The following DOK2 variants were observed in gnomAD, a reference collection of about 807,000 sequenced individuals.
DOK2 encodes docking protein 2, 56kD.
A neutral mutation model predicts 26.0 loss-of-function variants in DOK2; 28 were observed. The ratio of observed to expected loss-of-function variants is 1.08; its 90% confidence interval spans 0.80 to 1.48. The LOEUF (loss-of-function observed/expected upper bound fraction) is 1.48, where lower values mean the gene tolerates loss of function less well. DOK2 is among the 40% of genes most tolerant of loss of function. The pLI is 0.00. For missense variants in DOK2, 682 were observed against 558.2 expected (o/e 1.22, Z -2.23); for synonymous variants, 282 against 236.9 (o/e 1.19, Z -1.75).
rs144359058 is a variant in DOK2 at position 21,909,786 on chromosome 8, G to A, written c.764C>T (p.Pro255Leu). ...QKNAAPATPQ[P>L]QPATIPASLP... ...CGACGCGGGGATTGTGGCTGGCTGC[G>A]GTTGGGGTGTAGCGGGTGCAGCATT... The change falls in exon 5 of 5, where the codon CCG (proline) becomes CTG (leucine). Residue 255 changes from proline to leucine, a missense_variant. Transcript: ENST00000276420. The A allele has an allele frequency of 4.2e-5, 67 of 1,613,872 alleles. 1 individual carries two copies. Among genetic ancestry groups the A allele is most frequent in the South Asian group, 1.4e-4 (13 of 91,094 alleles).
In DOK2 at chr8:21,911,209, T is replaced by G. The variant is rs1809832124; in HGVS notation, c.434-352A>C. The G allele has an allele frequency of 2.0e-5, 5 of 254,430 alleles. No homozygotes were observed. In the East Asian group the frequency reaches 4.7e-4, roughly 24 times the overall value. 15.8% of individuals were successfully genotyped at this position (254,430 alleles called of 1,614,324 possible). ...CCACCCTAGTCCCTACGGTCACAGCTGCAGGTGAAGCCTTGGCCCTGCCCT... is the reference window on the plus strand; with the variant it reads ...CCACCCTAGTCCCTACGGTCACAGCGGCAGGTGAAGCCTTGGCCCTGCCCT... On this transcript the variant is annotated intron_variant, in intron 3 of 4. Transcript: ENST00000276420.
intron 2 of DOK2, 62 bp downstream of exon 2, chr8:21,912,167 G>A: frequency 1.3e-6 from 2 of 1,484,356 alleles, no homozygotes; most frequent in East Asian, 2.5e-5. Flanking sequence ...TTGCCCACAG[G>A]AAGTATCTAA....
chr8:21,911,355 C>G (rs776323467), intron 3 of DOK2, among the ~76,000 whole-genome samples: 3 of 152,146 alleles, frequency 2.0e-5, no homozygotes, highest in Non-Finnish European at 4.4e-5. Flanking sequence ...GCCTGTAATC[C>G]CAACACTTTG....
Position 21,909,754 on chromosome 8 carries a change from G to T in DOK2, c.796C>A (p.Arg266=). The part of the protein sequence containing the change: ...QPATIPASLP[R]PDSPYSRPHD... Reference sequence around the variant, plus strand: ...GGCCGAGAGTAGGGGCTATCAGGCCGGGGCAGCGACGCGGGGATTGTGGCT... The same window carrying T: ...GGCCGAGAGTAGGGGCTATCAGGCCTGGGCAGCGACGCGGGGATTGTGGCT... The change falls in exon 5 of 5, where the codon CGG becomes AGG. Residue 266 remains arginine (R), a synonymous_variant. Transcript: ENST00000276420. The T allele has an allele frequency of 6.2e-7, 1 of 1,613,796 alleles. No homozygotes were observed. Among genetic ancestry groups the T allele is most frequent in the Non-Finnish European group, 8.5e-7 (1 of 1,180,034 alleles).
rs142797319 is a variant in DOK2, at chr8:21,910,869, AAG to A, written c.434-14_434-13del. The A allele has an allele frequency of 5.0e-6, 8 of 1,591,734 alleles. No homozygotes were observed. Among genetic ancestry groups the A allele is most frequent in the African/African-American group, 1.3e-5 (1 of 74,460 alleles). ...CTTGTGGGGGCCGACTGGGGAGAAG[AAG>A]AGAGAGAAGGCGAAGGCAGTTAATG... On this transcript the variant is annotated splice_polypyrimidine_tract_variant and intron_variant, in intron 3 of 4. Coordinates refer to ENST00000276420, the MANE Select transcript of DOK2 (RefSeq NM_003974.4).
intron 3 of DOK2, 142 bp from the exon 4 acceptor site, chr8:21,910,999 T>G: frequency 1.0e-6 from 1 of 998,884 alleles, no homozygotes; most frequent in South Asian, 1.7e-5. Context: ...GCCTGGGTCT[T>G]GGAGGCTGAG....
Position 21,912,560 on chromosome 8 carries a change from G to C in DOK2, c.64-50C>G, listed in dbSNP as rs780288303. The stretch of plus-strand genomic sequence containing the variant: ...GGGCGGGAGGGAGCCACCCAGAGAC[G>C]GGGAGATCGTGAGCCAAGGGGAGAA... On this transcript the variant is annotated intron_variant, in intron 1 of 4. Coordinates refer to ENST00000276420, the MANE Select transcript of DOK2 (RefSeq NM_003974.4). 1.3e-5 allele frequency: 19 copies of C among 1,450,336 alleles called. No homozygotes were observed. In the South Asian group the frequency reaches 2.1e-4, roughly 16 times the overall value. The allele number at this position is 1,450,336 out of a possible 1,614,324, so 89.8% of individuals were successfully genotyped here.
Position 21,909,612 on chromosome 8 carries a change from T to C in DOK2, c.938A>G (p.Asn313Ser). The C allele has an allele frequency of 6.2e-7, 1 of 1,613,826 alleles. No homozygotes were observed. Among genetic ancestry groups the C allele is most frequent in the Non-Finnish European group, 8.5e-7 (1 of 1,180,016 alleles). ...FDAVARSLGKNFRGILAVPPQ... is the reference protein window; with the variant it reads ...FDAVARSLGKSFRGILAVPPQ... ...AGGGACTGCCAAGATGCCCCTGAAG[T>C]TCTTCCCCAAGGAACGGGCCACCGC... Residue 313 changes from asparagine to serine, a missense_variant, in exon 5 of 5, where the codon AAC becomes AGC. Transcript: ENST00000276420.
At chr8:21,911,229 T>C (rs1040561360) in intron 3 of DOK2, among the ~76,000 whole-genome samples, 3 of 152,200 alleles carry the variant, frequency 2.0e-5, no homozygotes, top group Non-Finnish European at 4.4e-5. Context: ...GCCTTGGCCC[T>C]GCCCTCCCAC....
Position 21,912,285 on chromosome 8 carries a change from C to T in DOK2, c.289G>A (p.Ala97Thr), listed in dbSNP as rs769780504. 6.3e-7 allele frequency: 1 copy of T among 1,591,090 alleles called. No individual in the cohort carries two copies. Among genetic ancestry groups the T allele is most frequent in the Non-Finnish European group, 8.5e-7 (1 of 1,171,324 alleles). Reference protein sequence around the residue: ...ETKERLYLLAAPAAERGDWVQ... With the variant: ...ETKERLYLLATPAAERGDWVQ... ...CAGTCGCCGCGCTCCGCTGCAGGGG[C>T]CGCCAGGAGGTACAGGCGCTCCTTG... is the stretch of plus-strand genomic sequence containing the variant. The change falls in exon 2 of 5, where the codon GCC (alanine) becomes ACC (threonine). Residue 97 changes from alanine to threonine, a missense_variant. Transcript: ENST00000276420.
At chr8:21,912,714 G>A in intron 1 of DOK2, 1 of 593,322 alleles carries the variant, frequency 1.7e-6, no homozygotes, top group South Asian at 2.2e-5. Flanking sequence ...GAGATCAGCC[G>A]CCAGCCCCGA....
chr8:21,912,584 A>G, intron 1 of DOK2, 74 bp from the exon 2 acceptor site: 1 of 1,420,724 alleles, frequency 7.0e-7, no homozygotes, highest in South Asian at 1.5e-5. Context: ...CCAAGGGGAG[A>G]AGAGGAACCG....
Position 21,912,262 on chromosome 8 carries a change from G to A in DOK2, c.312C>T (p.Asp104=), listed in dbSNP as rs767991803. ...LLAAPAAERG[D]WVQAICLLAF... is the part of the protein sequence containing the mutation. ...CCAGGAGGCAGATGGCCTGCACCCA[G>A]TCGCCGCGCTCCGCTGCAGGGGCCG... The change falls in exon 2 of 5, where the codon GAC becomes GAT. Residue 104 remains aspartate (D), a synonymous_variant. Coordinates refer to ENST00000276420, the MANE Select transcript of DOK2 (RefSeq NM_003974.4). 53 of 1,575,478 alleles carry A rather than the reference G, an allele frequency of 3.4e-5. 1 individual carries two copies. The African/African-American group carries it at 6.0e-4, about 18-fold the overall frequency.
chr8:21,912,206 T>A, intron 2 of DOK2, 23 bp downstream of exon 2: 2 of 1,534,292 alleles, frequency 1.3e-6, no homozygotes, highest in Non-Finnish European at 8.7e-7. Context: ...CCCCTTGCCC[T>A]TTCCGCACCC....
chr8:21,911,876 A>G, intron 3 of DOK2, 25 bp downstream of exon 3: 1 of 1,548,362 alleles, frequency 6.5e-7, no homozygotes, highest in Non-Finnish European at 8.7e-7. Flanking sequence ...CCCAGGGGAG[A>G]GCAGGGCAGC....
chr8:21,912,484 C>G lies in DOK2; in HGVS notation c.90G>C (p.Leu30=), dbSNP rs770573554. 1 of 1,541,088 alleles carries G rather than the reference C, an allele frequency of 6.5e-7. No individual in the cohort carries two copies. The highest frequency in any genetic ancestry group is 2.0e-5 in the Admixed American group (1 of 50,350). Residue 30 remains leucine, a synonymous_variant, in exon 2 of 5, where the codon CTG becomes CTC. Transcript: ENST00000276420. ...CCAAGGCGCAGTCCGACCCTCCATA[C>G]AGTGAGGCGCCGAAGCGGCGCCATT... is the stretch of plus-strand genomic sequence containing the variant. ...GKKWRRFGAS[L]YGGSDCALAR...
At chr8:21,913,356 G>T (rs1179185239) in intron 1 of DOK2, among the ~76,000 whole-genome samples, 183 bp downstream of exon 1, 1 of 152,136 alleles carries the variant, frequency 6.6e-6, no homozygotes, top group Non-Finnish European at 1.5e-5. Flanking sequence ...ACCTGGTTGG[G>T]GCCTGGTTCA....
At chr8:21,912,118 G>C in intron 2 of DOK2, 111 bp downstream of exon 2, 1 of 1,467,774 alleles carries the variant, frequency 6.8e-7, no homozygotes, top group Non-Finnish European at 9.0e-7. Flanking sequence ...CCCACATGGA[G>C]GAAGCACCCC....
At chr8:21,912,938 T>C (rs1809916073) in intron 1 of DOK2, among the ~76,000 whole-genome samples, 1 of 152,210 alleles carries the variant, frequency 6.6e-6, no homozygotes, top group Non-Finnish European at 1.5e-5. Flanking sequence ...TGCGAAATCC[T>C]GAAGGAGAAC....
Sources: allele counts gnomAD v4.1 joint callset (sites outside exome capture counted in the v4.1 genomes callset), GRCh38; gene constraint gnomAD v4.1.1; transcripts MANE v1.5; gene names NCBI Gene and HGNC (gene_info 2026-07-23, HGNC 2026-07-21).